The following SELE variants were observed in gnomAD, a reference collection of about 807,000 sequenced individuals.
SELE encodes the protein selectin E.
Under a neutral mutation model 75.8 loss-of-function variants are expected in SELE, and 52 were observed. That is an observed-to-expected ratio of 0.69 (90% CI 0.55 to 0.86). The LOEUF is 0.86. SELE is among the 40% of genes least tolerant of loss of function. SELE has a pLI of 0.00. For missense variants in SELE, 754 were observed against 732.7 expected, an observed-to-expected ratio of 1.03 and a Z score of -0.34; for synonymous variants, 285 against 258.7, an observed-to-expected ratio of 1.10 and a Z score of -0.98.
At position 169,732,632 on chromosome 1, in the gene SELE, A is replaced by G. The variant is rs765715697; in HGVS notation, c.404T>C (p.Leu135Pro). 1.4e-5 allele frequency: 22 copies of G among 1,602,254 alleles called. No homozygotes were observed. Among genetic ancestry groups the G allele is most frequent in the Non-Finnish European group, 1.8e-5 (21 of 1,174,860 alleles). ...WNDERCSKKK[L>P]ALCYTAACTN... ...CTCCCTACCTGTGTAGCATAGGGCA[A>G]GCTTCTTCTTGCTGCACCTCTCATC... The change falls in exon 3 of 14, where the codon CTT (leucine) becomes CCT (proline). Residue 135 changes from leucine to proline, a missense_variant. By Grantham distance (98) the Leu-to-Pro change is moderately conservative. Transcript: ENST00000333360.
chr1:169,728,034 A>G, intron 8 of SELE, 24 bp downstream of exon 8: 6 of 1,585,394 alleles, frequency 3.8e-6, no homozygotes, highest in Non-Finnish European at 5.1e-6. Flanking sequence ...TTATCTTAAA[A>G]TAAAATAAAA....
chr1:169,730,761 A>C, intron 4 of SELE, 144 bp from the exon 5 acceptor site: 1 of 488,068 alleles, frequency 2.0e-6, no homozygotes, highest in Non-Finnish European at 3.5e-6. Context: ...AATTGACTGT[A>C]ATTCTACCCC....
intron 3 of SELE, among the ~76,000 whole-genome samples, chr1:169,732,306 TACAC>T (rs1648929655): frequency 1.3e-5 from 2 of 149,438 alleles, no homozygotes; most frequent in African/African-American, 4.9e-5. Flanking sequence ...TATATATACA[TACAC>T]ACATATATGT....
Position 169,723,540 on chromosome 1 carries a change from C to T in SELE, c.*985G>A, listed in dbSNP as rs979246453. 6.6e-6 allele frequency: 1 copy of T among 152,172 alleles called. No individual in the cohort carries two copies. The highest frequency in any genetic ancestry group is 1.5e-5 in the Non-Finnish European group (1 of 68,022). The allele number at this position is 152,172 out of a possible 1,614,324, so 9.4% of individuals were successfully genotyped here. ...TGGAAGTTTTTCATCGTGGAAACCA[C>T]ATATTTCTGAAAAAATATCTGACAA... On this transcript the variant is annotated 3_prime_UTR_variant, in exon 14 of 14. Coordinates refer to ENST00000333360, the MANE Select transcript of SELE (RefSeq NM_000450.2).
chr1:169,722,883 T>C lies in SELE; in HGVS notation c.*1642A>G, dbSNP rs1296139296. 6.6e-6 allele frequency: 1 copy of C among 152,240 alleles called. No individual in the cohort carries two copies. The highest frequency in any genetic ancestry group is 1.5e-5 in the Non-Finnish European group (1 of 68,032). The allele number at this position is 152,240 out of a possible 1,614,324, so 9.4% of individuals were successfully genotyped here. ...ATAACACTGTATTCCATACATAGCC[T>C]GATCACAGTAGTTGTTCTCTCTTAT... On this transcript the variant is annotated 3_prime_UTR_variant, in exon 14 of 14. Coordinates refer to ENST00000333360, the MANE Select transcript of SELE (RefSeq NM_000450.2).
intron 7 of SELE, among the ~76,000 whole-genome samples, chr1:169,728,668 G>C (rs1428620962): frequency 6.6e-6 from 1 of 152,202 alleles, no homozygotes; most frequent in African/African-American, 2.4e-5. Context: ...GCTGGCTTTG[G>C]CTAGGACAAG....
chr1:169,732,594 C>A (rs761898953), intron 3 of SELE, 21 bp downstream of exon 3: 5 of 1,537,252 alleles, frequency 3.3e-6, no homozygotes, highest in African/African-American at 1.4e-5. Flanking sequence ...CTACCTCCCA[C>A]TGCTGCCGCA....
In SELE at chr1:169,728,086, C is replaced by A; in HGVS notation, c.1251G>T (p.Glu417Asp). The A allele has an allele frequency of 1.2e-6, 2 of 1,613,714 alleles. No individual in the cohort carries two copies. Among genetic ancestry groups the A allele is most frequent in the South Asian group, 2.2e-5 (2 of 90,930 alleles). The part of the protein sequence containing the change: ...SKRLQCGPTG[E>D]WDNEKPTCEA... ...CACATGTGGGCTTCTCGTTGTCCCACTCCCCTGTGGGGCCACATTGGAGCC... is the reference window on the plus strand; with the variant it reads ...CACATGTGGGCTTCTCGTTGTCCCAATCCCCTGTGGGGCCACATTGGAGCC... Residue 417 changes from glutamate to aspartate, a missense_variant, in exon 8 of 14, where the codon GAG (glutamate) becomes GAT (aspartate). Coordinates refer to ENST00000333360, the MANE Select transcript of SELE (RefSeq NM_000450.2).
At chr1:169,726,956 A>G (rs1228388768) in intron 10 of SELE, 150 bp from the exon 11 acceptor site, 2 of 635,820 alleles carry the variant, frequency 3.1e-6, no homozygotes, top group Non-Finnish European at 5.5e-6. Flanking sequence ...GTGGCATTAC[A>G]GGCCTTTGAG....
intron 6 of SELE, 48 bp downstream of exon 6, chr1:169,729,439 GT>G (rs745760934): frequency 6.2e-7 from 1 of 1,609,074 alleles, no homozygotes; most frequent in South Asian, 1.1e-5. Context: ...TCCAGTATGG[GT>G]TGAGAGAAAG....
chr1:169,726,911 G>A (rs1439728835), intron 10 of SELE, 105 bp from the exon 11 acceptor site: 22 of 751,670 alleles, frequency 2.9e-5, no homozygotes, highest in Non-Finnish European at 5.0e-5. Flanking sequence ...ACTAGGAGCA[G>A]AAGAGCTATC....
At chr1:169,726,062 G>A (rs1233466268) in intron 11 of SELE, 134 bp from the exon 12 acceptor site, 2 of 1,014,546 alleles carry the variant, frequency 2.0e-6, no homozygotes, top group Admixed American at 2.0e-5. Flanking sequence ...AATAATCAGA[G>A]CACAAGCATG....
chr1:169,728,480 C>T (rs1648832740), intron 7 of SELE, among the ~76,000 whole-genome samples: 1 of 152,184 alleles, frequency 6.6e-6, no homozygotes, highest in Non-Finnish European at 1.5e-5. Context: ...CACTGTTCTT[C>T]TAACACACAA....
intron 1 of SELE, 135 bp from the exon 2 acceptor site, chr1:169,733,795 G>T: frequency 1.7e-6 from 1 of 594,360 alleles, no homozygotes. Flanking sequence ...TTATTTCAGA[G>T]TTTAATCAAA....
In SELE at chr1:169,730,533, G is replaced by A; in HGVS notation, c.614C>T (p.Ser205Phe). The A allele has an allele frequency of 6.2e-7, 1 of 1,613,990 alleles. No homozygotes were observed. Among genetic ancestry groups the A allele is most frequent in the African/African-American group, 1.3e-5 (1 of 75,020 alleles). ...ACCCCTATCACAGCTGATAGAGCAGGAAGAATTGTAGCTGAAGTTTCCCAG... is the reference window on the plus strand; with the variant it reads ...ACCCCTATCACAGCTGATAGAGCAGAAAGAATTGTAGCTGAAGTTTCCCAG... ...HPLGNFSYNS[S>F]CSISCDRGYL... Residue 205 changes from serine to phenylalanine, a missense_variant, in exon 5 of 14, where the codon TCC becomes TTC. Transcript: ENST00000333360.
In SELE at chr1:169,731,961, A is replaced by T. The variant is rs761832307; in HGVS notation, c.422-19T>A. The T allele has an allele frequency of 6.6e-7, 1 of 1,519,692 alleles. No homozygotes were observed. The highest frequency in any genetic ancestry group is 1.1e-5 in the South Asian group (1 of 88,922). The allele number at this position is 1,519,692 out of a possible 1,614,324, so 94.1% of individuals were successfully genotyped here. On this transcript the variant is annotated intron_variant, in intron 3 of 13. Coordinates refer to ENST00000333360, the MANE Select transcript of SELE (RefSeq NM_000450.2). ...CAGGCAGCTACGGAAAATACAAAGC[A>T]TGATGAGGAGGACTATTACTGTGCT...
At chr1:169,725,170 G>A (rs1648711184) in intron 13 of SELE, among the ~76,000 whole-genome samples, 1 of 152,128 alleles carries the variant, frequency 6.6e-6, no homozygotes, top group African/African-American at 2.4e-5. Context: ...GGTGGATCAG[G>A]AGTTCAAGAT....
rs921549157 is a variant in SELE at position 169,725,838 on chromosome 1, C to T, written c.1776-37G>A. 5 of 1,613,650 alleles carry T rather than the reference C, an allele frequency of 3.1e-6. No individual in the cohort carries two copies. In the African/African-American group the frequency reaches 5.3e-5, roughly 17 times the overall value. On this transcript the variant is annotated intron_variant, in intron 12 of 13. Transcript: ENST00000333360. The stretch of plus-strand genomic sequence containing the variant: ...ATGAGAACACTAGGTAAAGCACTGT[C>T]TTCCAACATGAAGAGAGAAAAATAT...
chr1:169,733,485 T>C, intron 2 of SELE, 91 bp downstream of exon 2: 2 of 1,286,530 alleles, frequency 1.6e-6, no homozygotes, highest in South Asian at 1.2e-5. Context: ...AGATATCCTG[T>C]GCAGGACAGC....
Sources: allele counts gnomAD v4.1 joint callset (sites outside exome capture counted in the v4.1 genomes callset), GRCh38; gene constraint gnomAD v4.1.1; transcripts MANE v1.5; gene names NCBI Gene and HGNC (gene_info 2026-07-23, HGNC 2026-07-21).